The following TMEM218 variants were observed in gnomAD, a reference collection of about 807,000 sequenced individuals.
The protein encoded by TMEM218 is transmembrane protein 218.
TMEM218 carries 8 observed loss-of-function variants against 10.0 expected under a neutral mutation model. The ratio of observed to expected loss-of-function variants is 0.80; its 90% CI spans 0.47 to 1.44. The LOEUF (loss-of-function observed/expected upper bound fraction) is 1.44, where lower values mean the gene tolerates loss of function less well. TMEM218 is among the 40% of genes most tolerant of loss of function. The pLI is 0.00. For synonymous variants in TMEM218, 66 were observed against 63.5 expected (o/e 1.04, Z -0.18); for missense variants, 110 against 140.1 (o/e 0.79, Z 1.08).
Position 125,108,449 on chromosome 11 carries a change from T to C in TMEM218, c.-153+3090A>G, listed in dbSNP as rs1952817895. Among the ~76,000 whole-genome samples, 1 of 152,248 alleles carries C rather than the reference T, an allele frequency of 6.6e-6. No homozygotes were observed. Among genetic ancestry groups the C allele is most frequent in the South Asian group, 2.1e-4 (1 of 4,838 alleles). ...TAATGAAATAGCATATGTTTAAATA[T>C]ACAAATGTTCAGGCTGACTACACTA... On this transcript the variant is annotated intron_variant, in intron 1 of 4. Coordinates refer to ENST00000682305, the MANE Select transcript of TMEM218 (RefSeq NM_001258244.2). The surrounding 1 kb of genome is among the most constrained non-coding windows in gnomAD (Gnocchi z 5.3).
intron 1 of TMEM218, chr11:125,103,924 T>C (rs1454820623): frequency 6.6e-6 from 1 of 151,250 alleles, no homozygotes; most frequent in Non-Finnish European, 1.5e-5. Context: ...GTAAAAAAAA[T>C]ACGTTTATTG....
intron 1 of TMEM218, among the ~76,000 whole-genome samples, chr11:125,105,251 A>G (rs935932079): frequency 1.4e-4 from 22 of 152,220 alleles, no homozygotes; most frequent in African/African-American, 4.8e-4. Context: ...TGGGAATCCC[A>G]AATAGAAAGA....
chr11:125,100,581 T>C (rs536000815), intron 4 of TMEM218, among the ~76,000 whole-genome samples: 3 of 152,358 alleles, frequency 2.0e-5, no homozygotes, highest in Admixed American at 2.0e-4. Context: ...CCCATGGGTC[T>C]GAGACCAGCC....
intron 3 of TMEM218, 88 bp downstream of exon 3, chr11:125,102,044 T>A: frequency 1.4e-6 from 2 of 1,380,176 alleles, no homozygotes; most frequent in Non-Finnish European, 1.9e-6. Context: ...ACAAAACTGA[T>A]CTCTTAAATT....
chr11:125,096,613 C>A lies in TMEM218; in HGVS notation c.*993G>T, dbSNP rs1420230492. 1.3e-5 allele frequency: 2 copies of A among 152,188 alleles called. No individual in the cohort carries two copies. The highest frequency in any genetic ancestry group is 6.5e-5 in the Admixed American group (1 of 15,274). The allele number at this position is 152,188 out of a possible 1,614,324, so 9.4% of individuals were successfully genotyped here. On this transcript the variant is annotated 3_prime_UTR_variant, in exon 5 of 5. Coordinates refer to ENST00000682305, the MANE Select transcript of TMEM218 (RefSeq NM_001258244.2). ...CACATACTCCATCAGTGATCTCTTT[C>A]CAACTTGTTTTCTTGGTTCTTAATT... is the stretch of plus-strand genomic sequence containing the variant.
chr11:125,109,909 TCCCC>T (rs1336561548), intron 1 of TMEM218, among the ~76,000 whole-genome samples: 3 of 152,356 alleles, frequency 2.0e-5, no homozygotes, highest in African/African-American at 7.2e-5. Context: ...TGCCCTTCAA[TCCCC>T]CTTAGTAGCT....
intron 1 of TMEM218, among the ~76,000 whole-genome samples, chr11:125,105,459 A>C (rs1316550282): frequency 6.6e-6 from 1 of 152,204 alleles, no homozygotes; most frequent in Non-Finnish European, 1.5e-5. Flanking sequence ...CTTCAGCAAG[A>C]AGGAAAATGA....
At chr11:125,111,205 A>T (rs757961307) in intron 1 of TMEM218, among the ~76,000 whole-genome samples, 3 of 152,152 alleles carry the variant, frequency 2.0e-5, no homozygotes, top group Non-Finnish European at 2.9e-5. Context: ...ACCCTGTTGC[A>T]GATTCAAACT....
intron 1 of TMEM218, among the ~76,000 whole-genome samples, chr11:125,109,844 C>G (rs1953299439): frequency 2.6e-5 from 4 of 152,220 alleles, no homozygotes; most frequent in Admixed American, 2.6e-4. Flanking sequence ...CCAACTCTAA[C>G]AGTTAGAATA....
intron 4 of TMEM218, among the ~76,000 whole-genome samples, chr11:125,098,967 T>C (rs772000516): frequency 4.0e-4 from 61 of 152,196 alleles, no homozygotes; most frequent in Admixed American, 8.5e-4. Flanking sequence ...CTAGAACTTC[T>C]GGAAAGGAAT....
At chr11:125,101,512 T>G in intron 3 of TMEM218, 1 of 1,514,580 alleles carries the variant, frequency 6.6e-7, no homozygotes, top group Non-Finnish European at 8.8e-7. Flanking sequence ...TTCTTGGTAA[T>G]TCCCAATTCC....
chr11:125,097,574 A>C lies in TMEM218; in HGVS notation c.*32T>G. ...CTCATCAATGTCATCACAATGAAGGAGAGAACAGGTTTTCGTTTTCCTGAA... is the reference window on the plus strand; with the variant it reads ...CTCATCAATGTCATCACAATGAAGGCGAGAACAGGTTTTCGTTTTCCTGAA... On this transcript the variant is annotated 3_prime_UTR_variant, in exon 5 of 5. Coordinates refer to ENST00000682305, the MANE Select transcript of TMEM218 (RefSeq NM_001258244.2). The C allele has an allele frequency of 1.9e-6, 3 of 1,609,598 alleles. No homozygotes were observed. The highest frequency in any genetic ancestry group is 2.5e-6 in the Non-Finnish European group (3 of 1,177,302).
At chr11:125,098,552 C>G (rs1179296682) in intron 4 of TMEM218, among the ~76,000 whole-genome samples, 1 of 152,204 alleles carries the variant, frequency 6.6e-6, no homozygotes, top group Non-Finnish European at 1.5e-5. Context: ...AAGTGGCTGA[C>G]TGACTTCACA....
rs770517665 is a variant in TMEM218, at chr11:125,102,184, C to T, written c.58G>A (p.Val20Met). 6.2e-7 allele frequency: 1 copy of T among 1,611,762 alleles called. No individual in the cohort carries two copies. The highest frequency in any genetic ancestry group is 8.5e-7 in the Non-Finnish European group (1 of 1,179,138). The change falls in exon 3 of 5, where the codon GTG becomes ATG. Residue 20 changes from valine (V) to methionine (M), a missense_variant. Transcript: ENST00000682305. ...AGCACACACAGCAGCAGCACTGCCA[C>T]CCAGAGCAGGGCTAAGATGAACACG... ...AGVFILALLW[V>M]AVLLLCVLLS...
At position 125,095,339 on chromosome 11, in the gene TMEM218, T is replaced by C. The variant is rs895914077; in HGVS notation, c.*2267A>G. 1.3e-5 allele frequency among the ~76,000 whole-genome samples: 2 copies of C among 152,172 alleles called. No individual in the cohort carries two copies. Among genetic ancestry groups the C allele is most frequent in the African/African-American group, 4.8e-5 (2 of 41,436 alleles). On this transcript the variant is annotated 3_prime_UTR_variant, in exon 5 of 5. Coordinates refer to ENST00000682305, the MANE Select transcript of TMEM218 (RefSeq NM_001258244.2). ...TGAACACTAAGATGACTTCTGTCTGTATTTAAGGAATGACCTCTGAGCCCT... is the reference window on the plus strand; with the variant it reads ...TGAACACTAAGATGACTTCTGTCTGCATTTAAGGAATGACCTCTGAGCCCT...
chr11:125,102,187 A>G lies in TMEM218; in HGVS notation c.55T>C (p.Trp19Arg). 1.2e-6 allele frequency: 2 copies of G among 1,611,826 alleles called. No homozygotes were observed. Among genetic ancestry groups the G allele is most frequent in the Non-Finnish European group, 1.7e-6 (2 of 1,179,162 alleles). ...GAGVFILALL[W>R]VAVLLLCVLL... is the part of the protein sequence containing the mutation. ...ACACACAGCAGCAGCACTGCCACCC[A>G]GAGCAGGGCTAAGATGAACACGCCC... Residue 19 changes from tryptophan to arginine, a missense_variant, in exon 3 of 5, where the codon TGG (tryptophan) becomes CGG (arginine). Coordinates refer to ENST00000682305, the MANE Select transcript of TMEM218 (RefSeq NM_001258244.2).
Position 125,102,224 on chromosome 11 carries a change from G to T in TMEM218, c.18C>A (p.Leu6=), listed in dbSNP as rs148295283. The T allele has an allele frequency of 1.2e-5, 20 of 1,612,864 alleles. No individual in the cohort carries two copies. Among genetic ancestry groups the T allele is most frequent in the Non-Finnish European group, 1.6e-5 (19 of 1,179,554 alleles). The change falls in exon 3 of 5, where the codon CTC becomes CTA. Residue 6 remains leucine, a synonymous_variant. Coordinates refer to ENST00000682305, the MANE Select transcript of TMEM218 (RefSeq NM_001258244.2). ...AGATGAACACGCCCGCACCGACTCCGAGCACAGTGCCAGCCATCCCGCGGG... is the reference window on the plus strand; with the variant it reads ...AGATGAACACGCCCGCACCGACTCCTAGCACAGTGCCAGCCATCCCGCGGG... MAGTV[L]GVGAGVFILA...
At chr11:125,106,726 C>T (rs79784523) in intron 1 of TMEM218, among the ~76,000 whole-genome samples, 212 of 152,294 alleles carry the variant, frequency 1.4e-3, no homozygotes, top group African/African-American at 4.9e-3. Flanking sequence ...CCCTCATATA[C>T]GGCTGGCAAG....
intron 1 of TMEM218, chr11:125,104,250 C>T (rs2186890): frequency 0.33 from 50,012 of 152,116 alleles, 8,558 homozygotes; most frequent in East Asian, 0.61. Context: ...GAGCAGTCTG[C>T]CCTCATTAGG....
Sources: gnomAD v4.1 joint callset for allele counts (sites outside exome capture counted in the v4.1 genomes callset) on GRCh38, gnomAD v4.1.1 for gene constraint, Gnocchi (gnomAD v3.1) non-coding constraint, MANE v1.5 for transcripts, NCBI Gene and HGNC (gene_info 2026-07-23, HGNC 2026-07-21) for gene names.